FAM184A: variants seen among roughly 807,000 people sequenced by gnomAD.
FAM184A encodes the protein protein FAM184A.
In FAM184A, 99 loss-of-function variants were observed where a neutral mutation model predicts 143.8. That is an observed-to-expected ratio of 0.69 (90% CI 0.58 to 0.81). The LOEUF is 0.81. Among genes scored for constraint, FAM184A ranks in the 40% least tolerant of loss-of-function variants. FAM184A has a pLI of 0.00. For synonymous variants in FAM184A, 427 were observed against 446.4 expected (o/e 0.96, Z 0.55); for missense variants, 1,217 against 1,310.5 (o/e 0.93, Z 1.10).
At chr6:119,112,922 T>C (rs1443379087) in intron 1 of FAM184A, among the ~76,000 whole-genome samples, 1 of 152,206 alleles carries the variant, frequency 6.6e-6, no homozygotes, top group Non-Finnish European at 1.5e-5. Flanking sequence ...AATGACCAAC[T>C]GCCATAAAAG....
intron 1 of FAM184A, among the ~76,000 whole-genome samples, chr6:119,102,515 C>T (rs1582617714): frequency 1.3e-5 from 2 of 152,048 alleles, no homozygotes; most frequent in African/African-American, 4.8e-5. Context: ...AGGCTGGGCA[C>T]AGTGGCTCAC....
intron 2 of FAM184A, among the ~76,000 whole-genome samples, chr6:119,023,506 T>C (rs543702382): frequency 6.6e-6 from 1 of 150,844 alleles, no homozygotes; most frequent in Non-Finnish European, 1.5e-5. Context: ...GTATTTAAAC[T>C]TTAAGCCCAA....
chr6:119,067,529 G>A (rs1787501827), intron 1 of FAM184A, among the ~76,000 whole-genome samples: 1 of 152,136 alleles, frequency 6.6e-6, no homozygotes, highest in Non-Finnish European at 1.5e-5. Flanking sequence ...AATAACCTTT[G>A]TTCAGGCATG....
At chr6:119,075,892 T>G (rs897942350) in intron 1 of FAM184A, among the ~76,000 whole-genome samples, 25 of 152,204 alleles carry the variant, frequency 1.6e-4, no homozygotes, top group African/African-American at 6.0e-4. Context: ...AAAGCAAGTC[T>G]TATATGTTTG....
At chr6:118,985,384 G>T (rs1279943334) in intron 9 of FAM184A, among the ~76,000 whole-genome samples, 3 of 152,282 alleles carry the variant, frequency 2.0e-5, no homozygotes, top group African/African-American at 7.2e-5. Flanking sequence ...GGATGAGGTG[G>T]TTTTCACACA....
chr6:119,149,039 T>C (rs538934061), intron 1 of FAM184A: 6 of 152,288 alleles, frequency 3.9e-5, no homozygotes, highest in African/African-American at 1.2e-4. Context: ...AACACAAAAA[T>C]AGACACACAA....
rs1339838235 is a variant in FAM184A, at chr6:119,024,208, A to G, written c.765T>C (p.Ala255=). Residue 255 remains alanine (A), a synonymous_variant, in exon 2 of 18, where the codon GCT becomes GCC. Transcript: ENST00000338891. ...IEDYEGKLNK[A]QSFYERELDT... Reference sequence around the variant, plus strand: ...CAAGCTCACGTTCATAAAAGGACTGAGCTTTATTCAACTTGCCTTCATAAT... The same window carrying G: ...CAAGCTCACGTTCATAAAAGGACTGGGCTTTATTCAACTTGCCTTCATAAT... 2.5e-6 allele frequency: 4 copies of G among 1,614,234 alleles called. No individual in the cohort carries two copies. The highest frequency in any genetic ancestry group is 3.4e-6 in the Non-Finnish European group (4 of 1,180,042).
At chr6:119,136,272 G>A (rs868857225) in intron 1 of FAM184A, among the ~76,000 whole-genome samples, 7 of 114,342 alleles carry the variant, frequency 6.1e-5, no homozygotes, top group Admixed American at 1.2e-4. Context: ...GCGACAGAGC[G>A]AGACTCCGTC....
chr6:119,019,387 A>C (rs1276246598), intron 4 of FAM184A, among the ~76,000 whole-genome samples: 1 of 152,228 alleles, frequency 6.6e-6, no homozygotes, highest in Non-Finnish European at 1.5e-5. Context: ...CAGGTTAAGG[A>C]ATGAATGGAA....
At chr6:119,130,622 A>G (rs895940153) in intron 1 of FAM184A, among the ~76,000 whole-genome samples, 2 of 152,216 alleles carry the variant, frequency 1.3e-5, no homozygotes, top group Non-Finnish European at 2.9e-5. Context: ...TTTAAGAAAC[A>G]CAGAACTGCC....
intron 1 of FAM184A, among the ~76,000 whole-genome samples, chr6:119,109,641 A>C (rs1002680018): frequency 1.1e-4 from 16 of 152,252 alleles, no homozygotes; most frequent in African/African-American, 3.9e-4. Context: ...TTATTATAAC[A>C]TTGTGGCAAA....
At chr6:118,969,940 C>T (rs1783625448) in intron 14 of FAM184A, among the ~76,000 whole-genome samples, 1 of 123,238 alleles carries the variant, frequency 8.1e-6, no homozygotes, top group Non-Finnish European at 1.7e-5. Flanking sequence ...TAAGTTGGTT[C>T]TTTAATCTTT....
At chr6:119,066,727 A>G (rs1296411027) in intron 1 of FAM184A, among the ~76,000 whole-genome samples, 1 of 152,240 alleles carries the variant, frequency 6.6e-6, no homozygotes, top group Non-Finnish European at 1.5e-5. Flanking sequence ...TCATGATCAC[A>G]GTAGTACTCT....
At chr6:119,050,487 A>T (rs1157113166) in intron 1 of FAM184A, among the ~76,000 whole-genome samples, 1 of 140,974 alleles carries the variant, frequency 7.1e-6, no homozygotes. Context: ...TATACACCAC[A>T]GAACACTATG....
At chr6:119,113,637 G>A (rs62419244) in intron 1 of FAM184A, among the ~76,000 whole-genome samples, 2 of 135,014 alleles carry the variant, frequency 1.5e-5, no homozygotes, top group Non-Finnish European at 3.4e-5. Context: ...GAGAGAGAAA[G>A]AGAGAGAGAG....
chr6:119,045,512 C>G (rs753818516), intron 1 of FAM184A, among the ~76,000 whole-genome samples: 3 of 152,074 alleles, frequency 2.0e-5, no homozygotes, highest in African/African-American at 7.2e-5. Flanking sequence ...AAATCACCCA[C>G]AAAGCAACCT....
chr6:119,064,064 T>G (rs994252484), intron 1 of FAM184A, among the ~76,000 whole-genome samples: 6 of 152,114 alleles, frequency 3.9e-5, no homozygotes, highest in African/African-American at 1.4e-4. Flanking sequence ...TCTGAAGTCT[T>G]CATATAGCCT....
At chr6:119,064,900 G>A (rs1787386211) in intron 1 of FAM184A, among the ~76,000 whole-genome samples, 1 of 152,056 alleles carries the variant, frequency 6.6e-6, no homozygotes, top group African/African-American at 2.4e-5. Context: ...CCATCTACAT[G>A]CTAATGACTT....
intron 9 of FAM184A, among the ~76,000 whole-genome samples, chr6:118,991,143 A>G (rs555366254): frequency 6.6e-6 from 1 of 151,890 alleles, no homozygotes; most frequent in African/African-American, 2.4e-5. Flanking sequence ...GTAAGAAAAG[A>G]TATTTTATTT....
Sources: allele counts gnomAD v4.1 joint callset (sites outside exome capture counted in the v4.1 genomes callset), GRCh38; gene constraint gnomAD v4.1.1; transcripts MANE v1.5; gene names NCBI Gene and HGNC (gene_info 2026-07-23, HGNC 2026-07-21).